LAMC2: variants seen among roughly 807,000 people sequenced by gnomAD.
LAMC2 encodes laminin subunit gamma-2.
Under a neutral mutation model 140.2 loss-of-function variants are expected in LAMC2, and 97 were observed. The observed-to-expected ratio is 0.69, with a 90% CI of 0.59 to 0.82. The LOEUF (loss-of-function observed/expected upper bound fraction) is 0.82, where lower values mean the gene tolerates loss of function less well. Among genes scored for constraint, LAMC2 ranks in the 40% least tolerant of loss-of-function variants. The probability of loss-of-function intolerance (pLI) is 0.00; values close to 1 mark genes in which losing one functional copy is unlikely to be tolerated. For synonymous variants in LAMC2, 513 were observed against 540.2 expected (o/e 0.95, Z 0.70); for missense variants, 1,402 against 1,476.1 (o/e 0.95, Z 0.82).
chr1:183,213,194 A>G (rs1659124721), intron 2 of LAMC2, among the ~76,000 whole-genome samples: 1 of 152,232 alleles, frequency 6.6e-6, no homozygotes, highest in Admixed American at 6.5e-5. Flanking sequence ...AATACATATA[A>G]AGTGCCTAAC....
At chr1:183,204,897 A>C (rs1355361471) in intron 1 of LAMC2, among the ~76,000 whole-genome samples, 2 of 151,984 alleles carry the variant, frequency 1.3e-5, no homozygotes, top group East Asian at 3.9e-4. Context: ...ATCTCAGCTC[A>C]CTGCAACCTC....
At chr1:183,231,784 G>C (rs1408866433) in intron 12 of LAMC2, among the ~76,000 whole-genome samples, 7 of 152,188 alleles carry the variant, frequency 4.6e-5, no homozygotes, top group African/African-American at 4.8e-5. Flanking sequence ...TTTTCAAACT[G>C]ATCTATTTAA....
At chr1:183,253,110 T>G in the LAMC2 span, among the ~76,000 whole-genome samples, 2 of 152,058 alleles carry the variant, frequency 1.3e-5, no homozygotes, top group South Asian at 4.1e-4. Context: ...GGGCATCTAA[T>G]GTATTCACTA....
intron 14 of LAMC2, among the ~76,000 whole-genome samples, chr1:183,233,786 GT>G (rs1459478822): frequency 1.4e-5 from 2 of 147,302 alleles, no homozygotes; most frequent in African/African-American, 2.5e-5. Context: ...CTTTGTTGTT[GT>G]TTTGGATTTT....
intron 22 of LAMC2, 95 bp from the exon 23 acceptor site, chr1:183,243,052 A>T: frequency 7.3e-7 from 1 of 1,361,738 alleles, no homozygotes; most frequent in Non-Finnish European, 1.0e-6. Flanking sequence ...GCAAGTGGAA[A>T]TGGGAATTAG....
chr1:183,220,923 A>T lies in LAMC2; in HGVS notation c.602A>T (p.Glu201Val), dbSNP rs202236365. ...TCAGCCAGCTGCCGCAGCTCTGCAGAATACAGTGTCCATAAGATCACCTCT... is the reference window on the plus strand; with the variant it reads ...TCAGCCAGCTGCCGCAGCTCTGCAGTATACAGTGTCCATAAGATCACCTCT... ...GHSASCRSSA[E>V]YSVHKITSTF... is the part of the protein sequence containing the mutation. The change falls in exon 5 of 23, where the codon GAA becomes GTA. Residue 201 changes from glutamate (E) to valine (V), a missense_variant. Physicochemically the swap from Glu to Val is moderately radical, Grantham distance 121 (BLOSUM62 -2). Around this residue, in one of 3 missense-constraint regions of LAMC2, gnomAD observed 723 missense variants for 783.3 expected, o/e 0.92. Transcript: ENST00000264144. The T allele has an allele frequency of 1.9e-6, 3 of 1,614,188 alleles. No homozygotes were observed. The highest frequency in any genetic ancestry group is 2.2e-5 in the East Asian group (1 of 44,888).
intron 5 of LAMC2, among the ~76,000 whole-genome samples, chr1:183,221,785 G>A (rs897779135): frequency 1.4e-5 from 2 of 138,932 alleles, no homozygotes; most frequent in Non-Finnish European, 3.0e-5. Context: ...CTTCATTAAG[G>A]TGAGAGCTTT....
At chr1:183,221,489 G>A (rs1659467311) in intron 5 of LAMC2, among the ~76,000 whole-genome samples, 1 of 152,006 alleles carries the variant, frequency 6.6e-6, no homozygotes, top group South Asian at 2.1e-4. Context: ...AGCACTTTGG[G>A]AGGCCGAGAC....
intron 2 of LAMC2, among the ~76,000 whole-genome samples, chr1:183,209,092 C>T (rs750559303): frequency 6.6e-6 from 1 of 151,004 alleles, no homozygotes; most frequent in Non-Finnish European, 1.5e-5. Context: ...TGTGGACAGA[C>T]AGTAAAGACA....
chr1:183,247,312 C>T (rs1334128765), downstream of LAMC2, among the ~76,000 whole-genome samples: 2 of 151,674 alleles, frequency 1.3e-5, no homozygotes, highest in Admixed American at 1.3e-4. Context: ...AACTCTGTCT[C>T]GAAACAAAAC....
chr1:183,206,011 A>G (rs1009206348), intron 1 of LAMC2, among the ~76,000 whole-genome samples: 2 of 152,224 alleles, frequency 1.3e-5, no homozygotes, highest in African/African-American at 4.8e-5. Flanking sequence ...GTCTACATGC[A>G]ATGGTAAACT....
At chr1:183,258,562 C>A in the LAMC2 span, among the ~76,000 whole-genome samples, 8 of 152,140 alleles carry the variant, frequency 5.3e-5, no homozygotes, top group African/African-American at 1.7e-4. Flanking sequence ...AGCCCTTTCC[C>A]AAAGCAGACC....
intron 1 of LAMC2, among the ~76,000 whole-genome samples, chr1:183,201,823 C>G (rs1183401473): frequency 1.3e-5 from 2 of 152,096 alleles, no homozygotes; most frequent in African/African-American, 4.8e-5. Context: ...ATCAGCATAT[C>G]CATATTAAAA....
chr1:183,229,933 G>A (rs1258927941), intron 11 of LAMC2, among the ~76,000 whole-genome samples: 1 of 152,164 alleles, frequency 6.6e-6, no homozygotes, highest in Non-Finnish European at 1.5e-5. Flanking sequence ...CTGAGTTCAA[G>A]TCCAGTTTTG....
downstream of LAMC2, among the ~76,000 whole-genome samples, chr1:183,247,550 AAG>A (rs941085297): frequency 1.3e-5 from 2 of 152,082 alleles, no homozygotes; most frequent in African/African-American, 4.8e-5. Context: ...AAAAAGATAA[AAG>A]AAAAAAATAC....
the LAMC2 span, chr1:183,252,804 G>T: frequency 8.1e-7 from 1 of 1,228,132 alleles, no homozygotes; most frequent in Non-Finnish European, 1.2e-6. Flanking sequence ...CAGGAGGACT[G>T]GCATGCCCCT....
chr1:183,241,942 A>G (rs1202503963), intron 22 of LAMC2, among the ~76,000 whole-genome samples: 1 of 152,108 alleles, frequency 6.6e-6, no homozygotes, highest in African/African-American at 2.4e-5. Flanking sequence ...AAGCTATTAA[A>G]CATTTACTAT....
the LAMC2 span, among the ~76,000 whole-genome samples, chr1:183,253,947 G>GTGTA: frequency 6.7e-5 from 10 of 148,868 alleles, no homozygotes; most frequent in African/African-American, 2.5e-4. Context: ...GTGTGTGTAT[G>GTGTA]TGTGTGTGTA....
chr1:183,205,936 TA>T (rs1224322667), intron 1 of LAMC2, among the ~76,000 whole-genome samples: 2 of 152,042 alleles, frequency 1.3e-5, no homozygotes, highest in Non-Finnish European at 2.9e-5. Flanking sequence ...AAACACCATA[TA>T]AAAATGTTAC....
Sources: allele counts gnomAD v4.1 joint callset (sites outside exome capture counted in the v4.1 genomes callset), GRCh38; gene constraint gnomAD v4.1.1; regional missense constraint gnomAD v4.1.1; transcripts MANE v1.5; gene names NCBI Gene and HGNC (gene_info 2026-07-23, HGNC 2026-07-21).